The following KSR2 variants were observed in gnomAD, a reference collection of about 807,000 sequenced individuals.
KSR2 encodes kinase suppressor of ras 2.
Under a neutral mutation model 107.8 loss-of-function variants are expected in KSR2, and 25 were observed. The observed-to-expected ratio is 0.23, with a 90% CI of 0.17 to 0.32. KSR2 has a LOEUF of 0.32. Among genes scored for constraint, KSR2 ranks in the 10% least tolerant of loss-of-function variants. The pLI is 1.00. For missense variants in KSR2, 887 were observed against 1,268.9 expected (o/e 0.70, Z 4.57); for synonymous variants, 480 against 507.0 (o/e 0.95, Z 0.71).
rs112328932 is a variant in KSR2 at position 117,796,171 on chromosome 12, GTCC to G, written c.473-34650_473-34648del. Among the ~76,000 whole-genome samples the G allele has an allele frequency of 8.7e-3, 1,321 of 152,248 alleles. 18 individuals carry two copies. Among genetic ancestry groups the G allele is most frequent in the African/African-American group, 0.03 (1,244 of 41,548 alleles). On this transcript the variant is annotated intron_variant, in intron 3 of 19. Coordinates refer to ENST00000339824, the MANE Select transcript of KSR2 (RefSeq NM_173598.6). ...GCCTTGGAGCTCCTGGACTCAAGCA[GTCC>G]TCCTGCCACGGCTTCCAAGGTGCTG... is the stretch of plus-strand genomic sequence containing the variant.
intron 4 of KSR2, among the ~76,000 whole-genome samples, chr12:117,697,643 G>T (rs1294759141): frequency 6.6e-6 from 1 of 151,778 alleles, no homozygotes; most frequent in Non-Finnish European, 1.5e-5. Context: ...AGAAGGCTGA[G>T]GCAGGTGAAT....
chr12:117,527,756 T>A (rs1875309321), intron 12 of KSR2, among the ~76,000 whole-genome samples: 1 of 152,204 alleles, frequency 6.6e-6, no homozygotes, highest in African/African-American at 2.4e-5. Context: ...GTAGATACTA[T>A]GCAGGGAGGC....
chr12:117,556,317 C>A (rs1877693346), intron 8 of KSR2, among the ~76,000 whole-genome samples: 1 of 152,164 alleles, frequency 6.6e-6, no homozygotes, highest in Non-Finnish European at 1.5e-5. Flanking sequence ...TAGCAAAACC[C>A]TCTACGGAGG....
At chr12:117,917,256 C>T (rs1240361453) in intron 1 of KSR2, among the ~76,000 whole-genome samples, 3 of 152,146 alleles carry the variant, frequency 2.0e-5, no homozygotes, top group African/African-American at 7.2e-5. Context: ...AAAGTCTATT[C>T]CAGGCTGAGC....
intron 5 of KSR2, among the ~76,000 whole-genome samples, chr12:117,602,523 A>G (rs911619810): frequency 1.3e-5 from 2 of 152,190 alleles, no homozygotes; most frequent in Non-Finnish European, 2.9e-5. Flanking sequence ...TTCTTTTACT[A>G]AGTATAGTAT....
At chr12:117,697,191 T>C (rs12298352) in intron 4 of KSR2, among the ~76,000 whole-genome samples, 1,846 of 152,320 alleles carry the variant, frequency 0.012, 40 homozygotes, top group African/African-American at 0.04. Context: ...AACTTAATAA[T>C]ATGAGCTCTT....
At chr12:117,752,566 T>G (rs759233065) in intron 4 of KSR2, among the ~76,000 whole-genome samples, 1 of 152,224 alleles carries the variant, frequency 6.6e-6, no homozygotes, top group Non-Finnish European at 1.5e-5. Context: ...ATAGCAGTTA[T>G]AGTAGTTCTC....
intron 14 of KSR2, among the ~76,000 whole-genome samples, chr12:117,486,632 T>C (rs185110142): frequency 1.3e-5 from 2 of 152,352 alleles, no homozygotes; most frequent in Admixed American, 6.5e-5. Flanking sequence ...ATTGTGTTCA[T>C]TCATTTGGTG....
chr12:117,665,919 C>G (rs1007711060), intron 5 of KSR2, among the ~76,000 whole-genome samples: 1 of 152,238 alleles, frequency 6.6e-6, no homozygotes, highest in Non-Finnish European at 1.5e-5. Flanking sequence ...ACACACTGGA[C>G]TTGTCACTAT....
chr12:117,784,355 T>C (rs939744715), intron 3 of KSR2, among the ~76,000 whole-genome samples: 3 of 152,358 alleles, frequency 2.0e-5, no homozygotes, highest in Non-Finnish European at 2.9e-5. Context: ...CCTGCCACCA[T>C]GTAAGACGTC....
rs544321685 is a variant in KSR2 at position 117,804,338 on chromosome 12, C to T, written c.473-42814G>A. On this transcript the variant is annotated intron_variant, in intron 3 of 19. Transcript: ENST00000339824. ...GATTACAGGCGTGAGCCACCGCACC[C>T]GGCCATTTATTGTCTATACCTGATT... Among the ~76,000 whole-genome samples, 5 of 152,290 alleles carry T rather than the reference C, an allele frequency of 3.3e-5. 1 individual carries two copies. Among genetic ancestry groups the T allele is most frequent in the African/African-American group, 1.2e-4 (5 of 41,564 alleles).
At chr12:117,546,611 T>G (rs1876887186) in intron 9 of KSR2, among the ~76,000 whole-genome samples, 1 of 152,194 alleles carries the variant, frequency 6.6e-6, no homozygotes, top group African/African-American at 2.4e-5. Context: ...GACACCAATG[T>G]TAGATTTTTT....
At chr12:117,817,651 G>C (rs558089501) in intron 3 of KSR2, among the ~76,000 whole-genome samples, 13 of 151,972 alleles carry the variant, frequency 8.6e-5, no homozygotes, top group Non-Finnish European at 1.9e-4. Context: ...GCTATCAATG[G>C]CCCCAATCCC....
chr12:117,485,289 A>G (rs892545870), intron 15 of KSR2, among the ~76,000 whole-genome samples: 8 of 152,182 alleles, frequency 5.3e-5, no homozygotes, highest in African/African-American at 1.9e-4. Context: ...AGGATGGTGG[A>G]TCCTAACCAA....
chr12:117,608,708 T>C (rs1486508226), intron 5 of KSR2, among the ~76,000 whole-genome samples: 1 of 152,224 alleles, frequency 6.6e-6, no homozygotes, highest in African/African-American at 2.4e-5. Flanking sequence ...TATACCAACA[T>C]AGTTTAAAAT....
At chr12:117,851,413 G>A (rs909490195) in intron 3 of KSR2, among the ~76,000 whole-genome samples, 3 of 152,096 alleles carry the variant, frequency 2.0e-5, no homozygotes, top group African/African-American at 7.2e-5. Flanking sequence ...ATGACAAGGC[G>A]AAACCTAGTC....
rs140540244 is a variant in KSR2, at chr12:117,517,879, C to A, written c.2219+6973G>T. 1,431 of 455,834 alleles carry A rather than the reference C, an allele frequency of 3.1e-3. 23 individuals carry two copies. The highest frequency in any genetic ancestry group is 0.025 in the African/African-American group (1,265 of 50,150). 28.2% of individuals were successfully genotyped at this position (455,834 alleles called of 1,614,324 possible). A position where few individuals can be genotyped will look rare whatever the true frequency, so the allele number is the denominator to read the frequency against. On this transcript the variant is annotated intron_variant, in intron 14 of 19. Transcript: ENST00000339824. ...TGAAGAGAAACAAAAATTAGAAAGA[C>A]CACAAGTACAGGAGTTACAGAAAAA...
chr12:117,664,814 G>A (rs893121627), intron 5 of KSR2, among the ~76,000 whole-genome samples: 6 of 152,152 alleles, frequency 3.9e-5, no homozygotes, highest in African/African-American at 1.4e-4. Flanking sequence ...TCAGTTTCTT[G>A]ATCTGTAACA....
chr12:117,818,496 G>A (rs1478402216), intron 3 of KSR2, among the ~76,000 whole-genome samples: 1 of 152,206 alleles, frequency 6.6e-6, no homozygotes, highest in African/African-American at 2.4e-5. Flanking sequence ...ACGACTCACA[G>A]CACAGCCTAT....
Sources: allele counts gnomAD v4.1 joint callset (sites outside exome capture counted in the v4.1 genomes callset), GRCh38; gene constraint gnomAD v4.1.1; transcripts MANE v1.5; gene names NCBI Gene and HGNC (gene_info 2026-07-23, HGNC 2026-07-21).